The following PDE4A variants were observed in gnomAD, a reference collection of about 807,000 sequenced individuals.
The protein encoded by PDE4A is 3',5'-cyclic-AMP phosphodiesterase 4A.
A neutral mutation model predicts 73.9 loss-of-function variants in PDE4A; 21 were observed. The ratio of observed to expected loss-of-function variants is 0.28; its 90% confidence interval spans 0.20 to 0.41. The LOEUF (loss-of-function observed/expected upper bound fraction) is 0.41, where lower values mean the gene tolerates loss of function less well. Among genes scored for constraint, PDE4A ranks in the 10% least tolerant of loss-of-function variants. The probability of loss-of-function intolerance (pLI) is 1.00; values close to 1 mark genes in which losing one functional copy is unlikely to be tolerated. For synonymous variants in PDE4A, 463 were observed against 505.4 expected (o/e 0.92, Z 1.13); for missense variants, 958 against 1,211.4 (o/e 0.79, Z 3.10).
chr19:10,469,619 G>T lies in PDE4A; in HGVS notation c.*1998G>T, dbSNP rs113138044. ...TCGATCTTGTCTCCAATTAAACCGAGGCTTTCACCGATTTTCCTGGCTGAT... is the reference window on the plus strand; with the variant it reads ...TCGATCTTGTCTCCAATTAAACCGATGCTTTCACCGATTTTCCTGGCTGAT... On this transcript the variant is annotated 3_prime_UTR_variant, in exon 15 of 15. Coordinates refer to ENST00000380702, the MANE Select transcript of PDE4A (RefSeq NM_001111307.2). 6 of 152,476 alleles carry T rather than the reference G, an allele frequency of 3.9e-5. No homozygotes were observed. In the South Asian group the frequency reaches 8.3e-4, roughly 21 times the overall value. 9.4% of individuals were successfully genotyped at this position (152,476 alleles called of 1,614,324 possible). A position where few individuals can be genotyped will look rare whatever the true frequency, so the allele number is the denominator to read the frequency against.
chr19:10,459,381 T>C lies in PDE4A; in HGVS notation c.1102-19T>C, dbSNP rs1184951025. 1.2e-6 allele frequency: 2 copies of C among 1,614,224 alleles called. No individual in the cohort carries two copies. Among genetic ancestry groups the C allele is most frequent in the Non-Finnish European group, 8.5e-7 (1 of 1,180,046 alleles). On this transcript the variant is annotated intron_variant, in intron 8 of 14. Coordinates refer to ENST00000380702, the MANE Select transcript of PDE4A (RefSeq NM_001111307.2). ...CTGAGCCTTACAGGCTTCTGACCTC[T>C]GGCCTCCGTCTCCACCAGGAACTGG...
chr19:10,421,241 C>T, intron 1 of PDE4A, 157 bp downstream of exon 1: 2 of 985,300 alleles, frequency 2.0e-6, no homozygotes, highest in Non-Finnish European at 2.4e-6. Flanking sequence ...GGGACCTGGC[C>T]CCTGGTTGTG....
rs115069853 is a variant in PDE4A at position 10,461,615 on chromosome 19, T to A, written c.1555T>A (p.Cys519Ser). The A allele has an allele frequency of 6.3e-7, 1 of 1,585,236 alleles. No homozygotes were observed. The highest frequency in any genetic ancestry group is 1.4e-5 in the African/African-American group (1 of 72,722). The stretch of plus-strand genomic sequence containing the variant: ...CTTCAAGCTGCTGCAGGAGGACAAC[T>A]GCGACATCTTCCAGAACCTCAGCAA... ...VGFKLLQEDN[C>S]DIFQNLSKRQ... The change falls in exon 12 of 15, where the codon TGC (cysteine) becomes AGC (serine). Residue 519 changes from cysteine (C) to serine (S), a missense_variant. By Grantham distance (112) the Cys-to-Ser change is moderately radical. Coordinates refer to ENST00000380702, the MANE Select transcript of PDE4A (RefSeq NM_001111307.2).
chr19:10,442,919 C>CAT (rs951458259), intron 1 of PDE4A, among the ~76,000 whole-genome samples: 6 of 150,372 alleles, frequency 4.0e-5, no homozygotes. Context: ...ATTGCATATG[C>CAT]ATATATAATA....
intron 7 of PDE4A, 26 bp from the exon 8 acceptor site, chr19:10,457,853 T>C (rs1383869004): frequency 6.2e-7 from 1 of 1,611,688 alleles, no homozygotes; most frequent in South Asian, 1.1e-5. Flanking sequence ...TTGTTCACAC[T>C]TGTTCCTGCT....
At chr19:10,451,085 T>A in intron 6 of PDE4A, 144 bp downstream of exon 6, 1 of 812,250 alleles carries the variant, frequency 1.2e-6, no homozygotes, top group Admixed American at 2.2e-5. Context: ...AGATAGCTAC[T>A]GGGTGTGGCT....
chr19:10,467,036 G>A lies in PDE4A; in HGVS notation c.2076G>A (p.Glu692=). 3 of 1,614,184 alleles carry A rather than the reference G, an allele frequency of 1.9e-6. No homozygotes were observed. The highest frequency in any genetic ancestry group is 1.1e-5 in the South Asian group (1 of 91,086). Residue 692 remains glutamate, a synonymous_variant, in exon 15 of 15, where the codon GAG becomes GAA. Transcript: ENST00000380702. ...AIRQSPSPPP[E]EESRGPGHPP... The stretch of plus-strand genomic sequence containing the variant: ...GGCAGAGCCCATCTCCGCCACCCGA[G>A]GAGGAGTCAAGGGGGCCAGGCCACC...
At chr19:10,443,422 G>A (rs112620181) in intron 1 of PDE4A, among the ~76,000 whole-genome samples, 4,213 of 152,010 alleles carry the variant, frequency 0.028, 192 homozygotes, top group African/African-American at 0.097. Flanking sequence ...GCATGTGCCT[G>A]TAGACCCAGC....
rs2043005433 is a variant in PDE4A at position 10,446,412 on chromosome 19, G to A, written c.512+3G>A. 3 of 1,602,578 alleles carry A rather than the reference G, an allele frequency of 1.9e-6. No individual in the cohort carries two copies. Among genetic ancestry groups the A allele is most frequent in the Non-Finnish European group, 1.7e-6 (2 of 1,170,582 alleles). ...AACTCATCGGTCACCAGCGAGGCGTGAGCATCCTTCTCCCCACATGCCAGT... is the reference window on the plus strand; with the variant it reads ...AACTCATCGGTCACCAGCGAGGCGTAAGCATCCTTCTCCCCACATGCCAGT... On this transcript the variant is annotated splice_donor_region_variant and intron_variant, in intron 2 of 14. Coordinates refer to ENST00000380702, the MANE Select transcript of PDE4A (RefSeq NM_001111307.2).
intron 1 of PDE4A, among the ~76,000 whole-genome samples, chr19:10,437,672 C>T (rs901597777): frequency 6.6e-6 from 1 of 152,158 alleles, no homozygotes; most frequent in African/African-American, 2.4e-5. Flanking sequence ...CCCACCTCAG[C>T]TTCTCAAAGT....
At chr19:10,446,466 G>A (rs913612436) in intron 2 of PDE4A, 57 bp downstream of exon 2, 12 of 1,564,136 alleles carry the variant, frequency 7.7e-6, no homozygotes, top group Non-Finnish European at 1.0e-5. Flanking sequence ...GCTGGAAGCT[G>A]CCCTTCCCAG....
chr19:10,456,792 T>C (rs1203687887), intron 7 of PDE4A, among the ~76,000 whole-genome samples: 2 of 152,116 alleles, frequency 1.3e-5, no homozygotes, highest in Non-Finnish European at 2.9e-5. Context: ...CATGGGTACC[T>C]CAAAACCCTC....
intron 1 of PDE4A, chr19:10,431,188 T>C (rs1326941418): frequency 1.2e-6 from 1 of 822,952 alleles, no homozygotes; most frequent in East Asian, 3.3e-5. Context: ...CTCACTTTCC[T>C]CTTCTGTCAC....
rs749126870 is a variant in PDE4A, at chr19:10,465,683, C to CTTT, written c.1927-1172_1927-1170dup. Among the ~76,000 whole-genome samples the CTTT allele has an allele frequency of 4.0e-3, 194 of 48,388 alleles. 13 individuals are homozygous for CTTT. Among genetic ancestry groups the CTTT allele is most frequent in the Non-Finnish European group, 4.6e-3 (126 of 27,284 alleles). 31.7% of individuals were successfully genotyped at this position (48,388 alleles called of 152,430 possible). A position where few individuals can be genotyped will look rare whatever the true frequency, so the allele number is the denominator to read the frequency against. On this transcript the variant is annotated intron_variant, in intron 14 of 14. Transcript: ENST00000380702. ...TCATAGCAATAGTTTGTGGCTTTAG[C>CTTT]TTTTTTTTTTTTTTTTTTTTTTTTT... is the stretch of plus-strand genomic sequence containing the variant.
Position 10,462,010 on chromosome 19 carries a change from G to C in PDE4A, c.1743+11G>C, listed in dbSNP as rs1027444673. Reference sequence around the variant, plus strand: ...TCCGACCGCATCCAGGTGCCCCCACGCCCCATCATCTAAGGAGGGAGGACA... The same window carrying C: ...TCCGACCGCATCCAGGTGCCCCCACCCCCCATCATCTAAGGAGGGAGGACA... On this transcript the variant is annotated intron_variant, in intron 13 of 14. Transcript: ENST00000380702. The C allele has an allele frequency of 2.5e-6, 4 of 1,608,104 alleles. No individual in the cohort carries two copies. In the African/African-American group the frequency reaches 5.3e-5, roughly 21 times the overall value.
intron 2 of PDE4A, among the ~76,000 whole-genome samples, chr19:10,447,217 CTTTTTTTTT>C (rs34169084): frequency 2.4e-4 from 14 of 59,218 alleles, no homozygotes; most frequent in African/African-American, 6.7e-4. Context: ...CTTTTTTTCT[CTTTTTTTTT>C]TTTTTTTTTT....
chr19:10,425,366 C>G (rs2145450826), intron 1 of PDE4A, among the ~76,000 whole-genome samples: 1 of 152,298 alleles, frequency 6.6e-6, no homozygotes, highest in East Asian at 1.9e-4. Context: ...CCTCATCAGT[C>G]AAACGGGGCT....
chr19:10,433,329 C>T (rs1205024608), intron 1 of PDE4A, among the ~76,000 whole-genome samples: 3 of 152,142 alleles, frequency 2.0e-5, no homozygotes, highest in Non-Finnish European at 4.4e-5. Flanking sequence ...TCCTCGTCTA[C>T]ACTGCGTTCC....
At chr19:10,456,760 A>G (rs1383423071) in intron 7 of PDE4A, among the ~76,000 whole-genome samples, 1 of 152,068 alleles carries the variant, frequency 6.6e-6, no homozygotes, top group Non-Finnish European at 1.5e-5. Flanking sequence ...GAATACCCCG[A>G]TTTCACTGGA....
Sources: allele counts gnomAD v4.1 joint callset (sites outside exome capture counted in the v4.1 genomes callset), GRCh38; gene constraint gnomAD v4.1.1; transcripts MANE v1.5; gene names NCBI Gene and HGNC (gene_info 2026-07-23, HGNC 2026-07-21).